The following CCNH variants were observed in gnomAD, a reference collection of about 807,000 sequenced individuals.
CCNH encodes cyclin H, also known as cyclin-H.
Under a neutral mutation model 41.9 loss-of-function variants are expected in CCNH, and 31 were observed. The observed-to-expected ratio is 0.74, with a 90% CI of 0.56 to 1.00. CCNH has a LOEUF of 1.00. Among genes scored for constraint, CCNH ranks in the 50% least tolerant of loss-of-function variants. The pLI, the probability that CCNH is intolerant of heterozygous loss-of-function variation, is 0.00. For missense variants in CCNH, 362 were observed against 388.4 expected (o/e 0.93, Z 0.57); for synonymous variants, 138 against 136.1 (o/e 1.01, Z -0.10).
At chr5:87,347,919 A>C (rs1758978582) in intron 9 of CCNH, among the ~76,000 whole-genome samples, 1 of 151,962 alleles carries the variant, frequency 6.6e-6, no homozygotes, top group African/African-American at 2.4e-5. Context: ...CAAGGTTGAA[A>C]AGGAGCTAAA....
chr5:87,314,114 G>A (rs376484546), downstream of CCNH, among the ~76,000 whole-genome samples: 17 of 152,172 alleles, frequency 1.1e-4, no homozygotes, highest in East Asian at 2.3e-3. Context: ...TGGAGGTTGC[G>A]GTGAGTCAAG....
the CCNH span, among the ~76,000 whole-genome samples, chr5:87,312,033 A>G: frequency 3.3e-5 from 5 of 152,232 alleles, no homozygotes; most frequent in African/African-American, 1.2e-4. Flanking sequence ...GATAATGTAA[A>G]TGAAATGTGT....
Position 87,394,447 on chromosome 5 carries a change from T to C in CCNH, c.971A>G (p.Ter324=). 1 of 1,612,922 alleles carries C rather than the reference T, an allele frequency of 6.2e-7. No individual in the cohort carries two copies. The highest frequency in any genetic ancestry group is 8.5e-7 in the Non-Finnish European group (1 of 1,179,074). The change falls in exon 9 of 9, where the codon TAA becomes TGA. Residue 324 remains the stop codon, a stop_retained_variant. Transcript: ENST00000256897. ...WTDDDLVESL[*] is the part of the protein sequence containing the mutation. ...CATTGAGAAATCAACTTCAAATGGT[T>C]AGAGAGATTCTACCAGGTCGTCATC...
At chr5:87,327,828 G>A (rs1465403436) in intron 9 of CCNH, among the ~76,000 whole-genome samples, 1 of 151,994 alleles carries the variant, frequency 6.6e-6, no homozygotes, top group Non-Finnish European at 1.5e-5. Flanking sequence ...AGCCGGATGT[G>A]GTGGCACACA....
chr5:87,396,076 T>C (rs1207683911), intron 7 of CCNH, among the ~76,000 whole-genome samples: 1 of 150,742 alleles, frequency 6.6e-6, no homozygotes, highest in Non-Finnish European at 1.5e-5. Flanking sequence ...ACTGAACATG[T>C]ACAGAATTTT....
intron 9 of CCNH, among the ~76,000 whole-genome samples, chr5:87,324,175 A>C (rs369604016): frequency 2.0e-5 from 3 of 152,198 alleles, no homozygotes; most frequent in Non-Finnish European, 4.4e-5. Flanking sequence ...AAACCCAACT[A>C]TAAGAATTGA....
At chr5:87,392,465 T>A (rs1019802251), downstream of CCNH, 6 of 409,174 alleles carry the variant, frequency 1.5e-5, no homozygotes, top group Admixed American at 2.8e-5. Flanking sequence ...CTTGGCTCTT[T>A]TATCAAATTA....
Position 87,333,255 on chromosome 5 carries a change from T to A in CCNH, c.*91-14358A>T, listed in dbSNP as rs187379673. ...CTATCTTTTTAAATCTTTTTTTTTTTATGGTTTCTAGCCAGTAGAAGATAG... is the reference window on the plus strand; with the variant it reads ...CTATCTTTTTAAATCTTTTTTTTTTAATGGTTTCTAGCCAGTAGAAGATAG... On this transcript the variant is annotated intron_variant and NMD_transcript_variant, in intron 9 of 9. Transcript: ENST00000645953. 798 of 1,610,874 alleles carry A rather than the reference T, an allele frequency of 5.0e-4. 1 individual carries two copies. In the African/African-American group the frequency reaches 9.5e-3, roughly 19 times the overall value.
intron 9 of CCNH, among the ~76,000 whole-genome samples, chr5:87,322,442 C>T (rs1172367294): frequency 6.6e-6 from 1 of 152,180 alleles, no homozygotes; most frequent in African/African-American, 2.4e-5. Context: ...AATCATCTTC[C>T]CTGACCCCTT....
At chr5:87,375,003 T>TA (rs916770003), downstream of CCNH, 2 of 1,479,140 alleles carry the variant, frequency 1.4e-6, no homozygotes, top group Admixed American at 2.2e-5. Flanking sequence ...AAATAGAAAT[T>TA]AAAAAAACAG....
intron 8 of CCNH, 22 bp from the exon 9 acceptor site, chr5:87,394,506 G>A (rs1303885213): frequency 8.1e-6 from 13 of 1,613,200 alleles, no homozygotes; most frequent in South Asian, 1.1e-5. Flanking sequence ...AAAAAGTGTG[G>A]TAAGGATAAC....
At chr5:87,378,707 T>G (rs1761493489), upstream of CCNH, among the ~76,000 whole-genome samples, 2 of 152,208 alleles carry the variant, frequency 1.3e-5, no homozygotes, top group African/African-American at 4.8e-5. Context: ...CAAAATGGAC[T>G]TCTTAAAAAA....
rs142774970 is a variant in CCNH, at chr5:87,341,397, A to G, written c.*91-22500T>C. On this transcript the variant is annotated intron_variant and NMD_transcript_variant, in intron 9 of 9. Coordinates refer to the CCNH transcript ENST00000645953. ...TTACTAATTGGAAAACTTTGGCCAA[A>G]AAAATTGTTTTTTAAGGTTTTGGAC... The G allele has an allele frequency of 8.3e-4, 911 of 1,092,002 alleles. 8 individuals carry two copies. The African/African-American group carries it at 0.014, about 17-fold the overall frequency. The allele number at this position is 1,092,002 out of a possible 1,614,324, so 67.6% of individuals were successfully genotyped here. A position where few individuals can be genotyped will look rare whatever the true frequency, so the allele number is the denominator to read the frequency against.
At chr5:87,378,594 A>G (rs1761484619), upstream of CCNH, 15 of 1,498,494 alleles carry the variant, frequency 1.0e-5, no homozygotes, top group South Asian at 1.5e-4. Flanking sequence ...TTAATAGGTA[A>G]TAATTTGTAG....
chr5:87,380,750 GA>G (rs752119763), upstream of CCNH, among the ~76,000 whole-genome samples: 178 of 152,212 alleles, frequency 1.2e-3, 1 homozygote, highest in Admixed American at 3.0e-3. Context: ...CTCCTAAACT[GA>G]AAGTTACTGT....
In CCNH at chr5:87,346,714, A is replaced by T. The variant is rs375419221; in HGVS notation, c.*91-27817T>A. ...TTTCCAAACAGGAAGCTTATAATTT[A>T]CTAATGACAGGTACTTACATATTTA... is the stretch of plus-strand genomic sequence containing the variant. On this transcript the variant is annotated intron_variant and NMD_transcript_variant, in intron 9 of 9. Coordinates refer to the CCNH transcript ENST00000645953. 3.9e-6 allele frequency: 6 copies of T among 1,552,168 alleles called. No individual in the cohort carries two copies. The highest frequency in any genetic ancestry group is 1.4e-5 in the African/African-American group (1 of 73,396).
chr5:87,355,775 A>G (rs914415608), intron 9 of CCNH, among the ~76,000 whole-genome samples: 2 of 152,226 alleles, frequency 1.3e-5, no homozygotes, highest in Non-Finnish European at 2.9e-5. Context: ...AACATTTGTG[A>G]TTCATGGGCA....
At chr5:87,390,841 A>G (rs1462232114), downstream of CCNH, 3 of 1,613,756 alleles carry the variant, frequency 1.9e-6, no homozygotes, top group Admixed American at 5.0e-5. Flanking sequence ...AACTGCTTCA[A>G]CAAAAACAAA....
chr5:87,385,834 G>A (rs550261986), intron 9 of CCNH, among the ~76,000 whole-genome samples: 86 of 152,034 alleles, frequency 5.7e-4, no homozygotes, highest in African/African-American at 1.8e-3. Flanking sequence ...CCTAATACGT[G>A]ACAGACTTCT....
Sources: allele counts gnomAD v4.1 joint callset (sites outside exome capture counted in the v4.1 genomes callset), GRCh38; gene constraint gnomAD v4.1.1; transcripts MANE v1.5; gene names NCBI Gene and HGNC (gene_info 2026-07-23, HGNC 2026-07-21).